Variants in SNORC observed in about 807,000 individuals in gnomAD.
SNORC encodes secondary ossification center associated regulator of chondrocyte maturation.
In SNORC, 11 loss-of-function variants were observed where a neutral mutation model predicts 9.7. The observed-to-expected ratio is 1.14, with a 90% CI of 0.72 to 1.88. The LOEUF is 1.88. Ranked by LOEUF, SNORC falls within the 40% of genes most tolerant of loss-of-function variation. SNORC has a pLI of 0.00. For missense variants in SNORC, 197 were observed against 173.1 expected (o/e 1.14, Z -0.77); for synonymous variants, 108 against 88.7 (o/e 1.22, Z -1.22).
At chr2:232,873,504 C>T (rs1396742856) in intron 1 of SNORC, among the ~76,000 whole-genome samples, 2 of 152,196 alleles carry the variant, frequency 1.3e-5, no homozygotes, top group African/African-American at 4.8e-5. Context: ...CCTGCCACTC[C>T]TCGGCTGATT....
chr2:232,876,561 A>C, downstream of SNORC: 2 of 1,173,262 alleles, frequency 1.7e-6, no homozygotes, highest in Non-Finnish European at 2.1e-6. This position sits in a 1 kb window ranked among gnomAD's most constrained non-coding sequence, Gnocchi z 6.8. Flanking sequence ...AATTCCCCGC[A>C]GGGGCGCCGG....
downstream of SNORC, chr2:232,877,890 A>G (rs1691335895): frequency 6.6e-6 from 1 of 152,264 alleles, no homozygotes; most frequent in East Asian, 1.9e-4. Context: ...CCAACCCAAC[A>G]TGCTGTTTCC....
downstream of SNORC, chr2:232,878,286 T>G (rs1382685219): frequency 6.6e-6 from 1 of 152,226 alleles, no homozygotes; most frequent in Non-Finnish European, 1.5e-5. Flanking sequence ...GGGGAGGGGG[T>G]GCGCTCTGGG....
At chr2:232,878,399 A>G (rs778371), downstream of SNORC, 42,067 of 158,708 alleles carry the variant, frequency 0.27, 5,825 homozygotes, top group Admixed American at 0.3. Flanking sequence ...CCCACCATGG[A>G]CACTTCGGGG....
chr2:232,877,143 T>G, downstream of SNORC: 1 of 985,186 alleles, frequency 1.0e-6, no homozygotes, highest in Non-Finnish European at 1.2e-6. Flanking sequence ...GCAGGATGAG[T>G]CGAGAGTCGA....
chr2:232,876,729 C>T (rs970658560), downstream of SNORC: 28 of 986,630 alleles, frequency 2.8e-5, no homozygotes, highest in Non-Finnish European at 3.2e-5. This position sits in a 1 kb window ranked among gnomAD's most constrained non-coding sequence, Gnocchi z 6.8. Flanking sequence ...CCGGGGCCGC[C>T]AGGGCATCGG....
upstream of SNORC, chr2:232,869,917 A>G (rs1265332589): frequency 1.0e-5 from 3 of 299,482 alleles, no homozygotes; most frequent in Non-Finnish European, 1.9e-5. Flanking sequence ...TCCCTGGGCT[A>G]CCCAAGCCCC....
downstream of SNORC, chr2:232,877,953 C>T (rs1249210846): frequency 6.6e-6 from 1 of 152,318 alleles, no homozygotes; most frequent in African/African-American, 2.4e-5. Context: ...CCCAACCCTC[C>T]CCTCCAGGGA....
At chr2:232,870,656 G>A (rs117837416) in intron 1 of SNORC, among the ~76,000 whole-genome samples, 2 of 152,252 alleles carry the variant, frequency 1.3e-5, no homozygotes, top group East Asian at 3.9e-4. Flanking sequence ...GACAACTTGG[G>A]GGGCAGGCCC....
At chr2:232,873,561 T>C (rs914266836) in intron 1 of SNORC, among the ~76,000 whole-genome samples, 1 of 152,160 alleles carries the variant, frequency 6.6e-6, no homozygotes. Flanking sequence ...CCAGAAGCCC[T>C]GCCGCGGCCT....
At chr2:232,876,419 T>A, downstream of SNORC, 12 of 1,458,190 alleles carry the variant, frequency 8.2e-6, no homozygotes, top group Non-Finnish European at 1.1e-5. The surrounding 1 kb of genome is among the most constrained non-coding windows in gnomAD (Gnocchi z 6.8). Flanking sequence ...CGCGCCTGTA[T>A]GTCCGCGCGT....
downstream of SNORC, chr2:232,876,672 G>T (rs1005302223): frequency 3.0e-6 from 3 of 1,004,812 alleles, no homozygotes; most frequent in East Asian, 1.0e-4. The surrounding 1 kb of genome is among the most constrained non-coding windows in gnomAD (Gnocchi z 6.8). Flanking sequence ...CACCACGGCT[G>T]GAGTGCCTCA....
At chr2:232,876,656 C>T (rs1049362565), downstream of SNORC, 148 of 1,016,120 alleles carry the variant, frequency 1.5e-4, no homozygotes, top group Non-Finnish European at 1.7e-4. The surrounding 1 kb of genome is among the most constrained non-coding windows in gnomAD (Gnocchi z 6.8). Context: ...GCTCGGCGTC[C>T]CCGTGCACCA....
chr2:232,870,364 G>A (rs369644446), exon 1 of SNORC: 54 of 1,566,686 alleles, frequency 3.4e-5, no homozygotes, highest in Middle Eastern at 1.7e-4. Flanking sequence ...CTGGCCCTGC[G>A]CATGGCGCTG....
intron 1 of SNORC, among the ~76,000 whole-genome samples, chr2:232,875,070 T>C (rs1470658116): frequency 6.6e-6 from 1 of 152,204 alleles, no homozygotes; most frequent in Non-Finnish European, 1.5e-5. Context: ...CCGGCCGCAG[T>C]GGCTCACACC....
intron 1 of SNORC, among the ~76,000 whole-genome samples, chr2:232,872,663 G>C (rs192006684): frequency 6.6e-6 from 1 of 152,228 alleles, no homozygotes; most frequent in Admixed American, 6.5e-5. Context: ...CCTATTCACT[G>C]TCCGCCTGGC....
rs141545434 is a variant in SNORC at position 232,873,010 on chromosome 2, C to T, written c.73+2596C>T. On this transcript the variant is annotated intron_variant, in intron 1 of 2. Coordinates refer to ENST00000331342, the Ensembl canonical transcript of SNORC. ...AGCTGGTGGCTCCTGGGGCCCTGGC[C>T]GCTTGGGTGCAGATGGGTACTGGGC... Among the ~76,000 whole-genome samples the T allele has an allele frequency of 8.7e-3, 1,331 of 152,298 alleles. 34 individuals carry two copies. The highest frequency in any genetic ancestry group is 0.054 in the Admixed American group (830 of 15,298).
At chr2:232,875,540 TG>T in intron 1 of SNORC, 1 of 398,898 alleles carries the variant, frequency 2.5e-6, no homozygotes, top group Non-Finnish European at 5.2e-6. Context: ...GGAGGACAAC[TG>T]GGGTGGGCTG....
rs367756993 is a variant in SNORC, at chr2:232,870,330, C to G, written c.-12C>G. 6.0e-5 allele frequency: 94 copies of G among 1,554,860 alleles called. No individual in the cohort carries two copies. The African/African-American group carries it at 1.1e-3, about 18-fold the overall frequency. ...TGCGTCCCGCCCGCCGCTGCCCTCA[C>G]TCCCGGCCAGGATGGCATCCTGTCT... On this transcript the variant is annotated 5_prime_UTR_variant, in exon 1 of 3. Transcript: ENST00000331342.
Sources: allele counts gnomAD v4.1 joint callset (sites outside exome capture counted in the v4.1 genomes callset), GRCh38; gene constraint gnomAD v4.1.1; non-coding constraint Gnocchi (gnomAD v3.1); transcripts MANE v1.5; gene names NCBI Gene and HGNC (gene_info 2026-07-23, HGNC 2026-07-21).